The following PHC1 variants were observed in gnomAD, a reference collection of about 807,000 sequenced individuals.
PHC1 encodes polyhomeotic homolog 1.
A neutral mutation model predicts 104.3 loss-of-function variants in PHC1; 12 were observed. The observed-to-expected ratio is 0.12, with a 90% confidence interval of 0.07 to 0.19. The LOEUF is 0.19. PHC1 is among the 10% of genes least tolerant of loss of function. The pLI is 1.00. For synonymous variants in PHC1, 302 were observed against 455.8 expected (o/e 0.66, Z 4.30); for missense variants, 671 against 1,200.0 (o/e 0.56, Z 6.51).
intron 1 of PHC1, among the ~76,000 whole-genome samples, chr12:8,916,850 C>T (rs1945217974): frequency 6.6e-6 from 1 of 152,066 alleles, no homozygotes; most frequent in South Asian, 2.1e-4. Context: ...TATTAGTAGC[C>T]TGAGCTGGAA....
chr12:8,921,863 G>T, intron 5 of PHC1, 113 bp downstream of exon 5: 1 of 1,008,504 alleles, frequency 9.9e-7, no homozygotes, highest in Non-Finnish European at 1.5e-6. Flanking sequence ...ACCCAGGCTG[G>T]AGTGCAGTGG....
rs188051772 is a variant in PHC1 at position 8,933,651 on chromosome 12, C to T, written c.1894-214C>T. On this transcript the variant is annotated intron_variant, in intron 8 of 14. Transcript: ENST00000544916. ...GTTGGTCTACGTGAATACAGGGTCT[C>T]AAGACCTAGGTCAGGACTAAATCAT... The T allele has an allele frequency of 6.7e-4, 404 of 606,166 alleles. 4 individuals are homozygous for T. In the Admixed American group the frequency reaches 8.6e-3, roughly 13 times the overall value. 37.5% of individuals were successfully genotyped at this position (606,166 alleles called of 1,614,324 possible).
rs141613967 is a variant in PHC1, at chr12:8,920,055, C to G, written c.225+189C>G. 163 of 850,148 alleles carry G rather than the reference C, an allele frequency of 1.9e-4. 2 individuals carry two copies. In the East Asian group the frequency reaches 4.3e-3, roughly 22 times the overall value. The allele number at this position is 850,148 out of a possible 1,614,324, so 52.7% of individuals were successfully genotyped here. ...GGTTGCAGTAAGAACCGTAAAATCA[C>G]TTTTTAGGTATAGAGTGGCTGTGTT... On this transcript the variant is annotated intron_variant, in intron 3 of 14. Coordinates refer to ENST00000544916, the MANE Select transcript of PHC1 (RefSeq NM_004426.3).
At chr12:8,922,541 G>A (rs1353142291) in intron 5 of PHC1, 92 bp from the exon 6 acceptor site, 1 of 1,153,492 alleles carries the variant, frequency 8.7e-7, no homozygotes, top group East Asian at 2.6e-5. Flanking sequence ...AATATCTTCT[G>A]TTTATTTTGT....
At chr12:8,932,467 G>A in intron 7 of PHC1, 96 bp from the exon 8 acceptor site, 4 of 1,349,742 alleles carry the variant, frequency 3.0e-6, no homozygotes, top group Non-Finnish European at 4.1e-6. Context: ...CCAAAACTAG[G>A]TTATACCTTG....
At chr12:8,924,430 C>T (rs201825202) in intron 6 of PHC1, among the ~76,000 whole-genome samples, 2 of 152,122 alleles carry the variant, frequency 1.3e-5, no homozygotes, top group Non-Finnish European at 2.9e-5. Flanking sequence ...GAGCTGAGAT[C>T]GTGCCACTAC....
chr12:8,921,389 G>A (rs953307044), intron 4 of PHC1, among the ~76,000 whole-genome samples: 1 of 152,202 alleles, frequency 6.6e-6, no homozygotes, highest in African/African-American at 2.4e-5. Context: ...GTTAACACTA[G>A]TGGTTAGAGA....
intron 9 of PHC1, 28 bp from the exon 10 acceptor site, chr12:8,934,239 T>C: frequency 6.4e-7 from 1 of 1,558,366 alleles, no homozygotes; most frequent in Non-Finnish European, 8.8e-7. Context: ...ATCTCATGTC[T>C]GTTGCTTAAT....
intron 6 of PHC1, among the ~76,000 whole-genome samples, chr12:8,929,899 A>G (rs1413882981): frequency 6.6e-6 from 1 of 152,052 alleles, no homozygotes; most frequent in Non-Finnish European, 1.5e-5. Context: ...ACCATTACCT[A>G]CTGAGTGTCA....
At chr12:8,935,351 C>T in intron 11 of PHC1, 113 bp downstream of exon 11, 3 of 609,630 alleles carry the variant, frequency 4.9e-6, no homozygotes, top group Non-Finnish European at 8.6e-6. Flanking sequence ...TGAGGCCTGG[C>T]ACAGTGGCTC....
rs759128606 is a variant in PHC1 at position 8,919,946 on chromosome 12, A to G, written c.225+80A>G. 6.4e-7 allele frequency: 1 copy of G among 1,552,202 alleles called. No homozygotes were observed. Among genetic ancestry groups the G allele is most frequent in the South Asian group, 1.2e-5 (1 of 84,110 alleles). On this transcript the variant is annotated intron_variant, in intron 3 of 14. Transcript: ENST00000544916. This position sits in a 1 kb window ranked among gnomAD's most constrained non-coding sequence, Gnocchi z 4.9. ...GGTAGGGGAGATTTTTTGGGCATAT[A>G]GCATCCTATACTAAGCCAGGCTGCA...
chr12:8,931,944 GAAGTA>G (rs1945697769), intron 7 of PHC1, among the ~76,000 whole-genome samples: 1 of 152,180 alleles, frequency 6.6e-6, no homozygotes, highest in Admixed American at 6.5e-5. Flanking sequence ...ACAATATGGA[GAAGTA>G]GAGTTTGTCA....
chr12:8,934,344 G>A lies in PHC1; in HGVS notation c.2119G>A (p.Val707Ile). ...ELVALTPAPS[V>I]PPPTLAMVSR... is the part of the protein sequence containing the mutation. ...AGTAGCCTTGACCCCCGCCCCTTCA[G>A]TACCGCCTCCTACACTAGCCATGGT... The change falls in exon 10 of 15, where the codon GTA becomes ATA. Residue 707 changes from valine (V) to isoleucine (I), a missense_variant. Physicochemically the swap from Val to Ile is conservative, Grantham distance 29 (BLOSUM62 3). This residue lies in a region of PHC1 where 29 missense variants were observed against 78.0 expected (regional missense o/e 0.37). Transcript: ENST00000544916. 1 of 1,614,080 alleles carries A rather than the reference G, an allele frequency of 6.2e-7. No individual in the cohort carries two copies. Among genetic ancestry groups the A allele is most frequent in the South Asian group, 1.1e-5 (1 of 91,072 alleles).
At chr12:8,922,582 C>T in intron 5 of PHC1, 51 bp from the exon 6 acceptor site, 1 of 1,484,912 alleles carries the variant, frequency 6.7e-7, no homozygotes, top group Non-Finnish European at 9.2e-7. Context: ...TCTCTTCTGT[C>T]TCTTCTTTCC....
At chr12:8,936,226 A>G (rs891747027) in intron 11 of PHC1, among the ~76,000 whole-genome samples, 2 of 152,204 alleles carry the variant, frequency 1.3e-5, no homozygotes, top group African/African-American at 4.8e-5. Context: ...ACAAAAAAAT[A>G]TAAAAATTAA....
chr12:8,918,354 A>G (rs559184504), intron 2 of PHC1, among the ~76,000 whole-genome samples: 27 of 152,254 alleles, frequency 1.8e-4, no homozygotes, highest in Non-Finnish European at 3.4e-4. Context: ...AAAAATGCCA[A>G]TTAGTTGAAT....
At chr12:8,926,335 G>T (rs748609404) in intron 6 of PHC1, among the ~76,000 whole-genome samples, 2 of 152,202 alleles carry the variant, frequency 1.3e-5, no homozygotes, top group Non-Finnish European at 2.9e-5. Context: ...TGCCTGGAGA[G>T]GCCGGGCACA....
chr12:8,936,642 G>A (rs1019217843), intron 11 of PHC1, among the ~76,000 whole-genome samples: 4 of 152,132 alleles, frequency 2.6e-5, no homozygotes, highest in African/African-American at 4.8e-5. Context: ...GAGAGAGTTC[G>A]GCTTAAGGTT....
chr12:8,922,866 C>T, intron 6 of PHC1, 78 bp downstream of exon 6: 4 of 1,271,946 alleles, frequency 3.1e-6, no homozygotes, highest in Non-Finnish European at 4.4e-6. Context: ...GTCCACCCTT[C>T]TGCCCCATTA....
Sources: gnomAD v4.1 joint callset for allele counts (sites outside exome capture counted in the v4.1 genomes callset) on GRCh38, gnomAD v4.1.1 for gene constraint, gnomAD v4.1.1 regional missense constraint, Gnocchi (gnomAD v3.1) non-coding constraint, MANE v1.5 for transcripts, NCBI Gene and HGNC (gene_info 2026-07-23, HGNC 2026-07-21) for gene names.